Variants in CSMD1 observed in about 807,000 individuals in gnomAD.
CSMD1 encodes the protein CUB and sushi domain-containing protein 1.
Under a neutral mutation model 417.5 loss-of-function variants are expected in CSMD1, and 213 were observed. That is an observed-to-expected ratio of 0.51 (90% CI 0.46 to 0.57). CSMD1 has a LOEUF of 0.57. Among genes scored for constraint, CSMD1 ranks in the 20% least tolerant of loss-of-function variants. The pLI is 0.00. For missense variants in CSMD1, 6,923 were observed against 4,529.7 expected, an observed-to-expected ratio of 1.53 and a Z score of -15.17; for synonymous variants, 2,862 against 1,736.8, an observed-to-expected ratio of 1.65 and a Z score of -16.11.
chr8:4,724,536 G>A (rs971498681), intron 1 of CSMD1, among the ~76,000 whole-genome samples: 14 of 149,666 alleles, frequency 9.4e-5, no homozygotes, highest in African/African-American at 3.5e-4. Flanking sequence ...GTGTGTGTGT[G>A]TGTGTGTGTG....
chr8:4,419,882 T>G lies in CSMD1; in HGVS notation c.415+71A>C, dbSNP rs114000110. Reference sequence around the variant, plus strand: ...GACATAGCAGCCTAGTTTGTCATTATTAATCCAGTGTAGCATGTATTAGAT... The same window carrying G: ...GACATAGCAGCCTAGTTTGTCATTAGTAATCCAGTGTAGCATGTATTAGAT... On this transcript the variant is annotated intron_variant, in intron 3 of 69. Transcript: ENST00000635120. 9.9e-4 allele frequency: 1,057 copies of G among 1,064,936 alleles called. 9 individuals are homozygous for G. The African/African-American group carries it at 0.015, about 15-fold the overall frequency. The allele number at this position is 1,064,936 out of a possible 1,614,324, so 66.0% of individuals were successfully genotyped here. A position where few individuals can be genotyped will look rare whatever the true frequency, so the allele number is the denominator to read the frequency against.
chr8:4,074,469 G>A (rs956636235), intron 3 of CSMD1, among the ~76,000 whole-genome samples: 1 of 151,986 alleles, frequency 6.6e-6, no homozygotes, highest in African/African-American at 2.4e-5. Flanking sequence ...CCATAAACCT[G>A]TTTATAGTCA....
chr8:4,220,117 T>C (rs1238244960), intron 3 of CSMD1, among the ~76,000 whole-genome samples: 3 of 152,004 alleles, frequency 2.0e-5, no homozygotes, highest in African/African-American at 7.3e-5. Context: ...GCCCAGCTGA[T>C]TTTTTGTATT....
At chr8:4,591,744 G>C (rs954886851) in intron 2 of CSMD1, among the ~76,000 whole-genome samples, 5 of 152,158 alleles carry the variant, frequency 3.3e-5, no homozygotes, top group Non-Finnish European at 7.3e-5. Flanking sequence ...AGTGAAGTGA[G>C]GGGATAGGAT....
chr8:3,534,818 G>C (rs980125312), intron 10 of CSMD1, among the ~76,000 whole-genome samples: 5 of 152,118 alleles, frequency 3.3e-5, no homozygotes, highest in African/African-American at 9.7e-5. Flanking sequence ...CATTTTCTTT[G>C]GGTCACATTT....
At chr8:3,352,652 C>G (rs899832440) in intron 21 of CSMD1, among the ~76,000 whole-genome samples, 1 of 152,094 alleles carries the variant, frequency 6.6e-6, no homozygotes, top group South Asian at 2.1e-4. Flanking sequence ...CCAGCCTGGC[C>G]AACATGGTGA....
chr8:3,612,544 C>T (rs1221741985), intron 8 of CSMD1, among the ~76,000 whole-genome samples: 1 of 152,104 alleles, frequency 6.6e-6, no homozygotes, highest in Non-Finnish European at 1.5e-5. Context: ...CAAGATAGAG[C>T]ATATTCTTGC....
At chr8:4,322,294 C>T (rs1359357129) in intron 3 of CSMD1, among the ~76,000 whole-genome samples, 1 of 151,906 alleles carries the variant, frequency 6.6e-6, no homozygotes, top group Non-Finnish European at 1.5e-5. Context: ...AATTCAATTT[C>T]ATGTTATCTG....
At chr8:3,557,528 C>G (rs565353581) in intron 10 of CSMD1, among the ~76,000 whole-genome samples, 3 of 151,880 alleles carry the variant, frequency 2.0e-5, no homozygotes, top group South Asian at 4.1e-4. Context: ...CAAACAAACA[C>G]TCTTTAAAAA....
chr8:3,249,213 T>TTTG (rs1164603907), intron 26 of CSMD1, among the ~76,000 whole-genome samples: 5 of 152,134 alleles, frequency 3.3e-5, no homozygotes, highest in Non-Finnish European at 5.9e-5. Flanking sequence ...GTGAGTTCTT[T>TTTG]TTGTTGCTGC....
At chr8:3,021,010 T>A (rs1809325934) in intron 51 of CSMD1, among the ~76,000 whole-genome samples, 1 of 152,222 alleles carries the variant, frequency 6.6e-6, no homozygotes, top group African/African-American at 2.4e-5. Context: ...TCAACTATGA[T>A]ATTTAAAGAT....
In CSMD1 at chr8:4,118,962, G is replaced by A. The variant is rs182578341; in HGVS notation, c.416-86863C>T. On this transcript the variant is annotated intron_variant, in intron 3 of 69. Coordinates refer to ENST00000635120, the MANE Select transcript of CSMD1 (RefSeq NM_033225.6). ...TGGGGGGACATGGGTGAAGCTGGAAGCCATCATTCTCAGCAAACTAACACA... is the reference window on the plus strand; with the variant it reads ...TGGGGGGACATGGGTGAAGCTGGAAACCATCATTCTCAGCAAACTAACACA... Among the ~76,000 whole-genome samples, 5 of 152,274 alleles carry A rather than the reference G, an allele frequency of 3.3e-5. No individual in the cohort carries two copies. The East Asian group carries it at 9.7e-4, about 29-fold the overall frequency.
intron 3 of CSMD1, among the ~76,000 whole-genome samples, chr8:4,371,770 G>A (rs115215447): frequency 6.6e-6 from 1 of 152,122 alleles, no homozygotes; most frequent in East Asian, 1.9e-4. Context: ...TTACATAATA[G>A]ACAAATATTG....
chr8:3,896,304 G>A (rs1282747789), intron 5 of CSMD1, among the ~76,000 whole-genome samples: 2 of 152,068 alleles, frequency 1.3e-5, no homozygotes, highest in Admixed American at 1.3e-4. Flanking sequence ...TGGGAAAAAT[G>A]CATAAATGTA....
At chr8:3,327,031 A>T (rs200234863) in intron 23 of CSMD1, among the ~76,000 whole-genome samples, 1 of 152,146 alleles carries the variant, frequency 6.6e-6, no homozygotes, top group Non-Finnish European at 1.5e-5. Flanking sequence ...GAAAAAAAAA[A>T]GACAAAAAAT....
At chr8:3,137,473 G>C (rs1180063778) in intron 41 of CSMD1, among the ~76,000 whole-genome samples, 1 of 152,194 alleles carries the variant, frequency 6.6e-6, no homozygotes, top group Non-Finnish European at 1.5e-5. Flanking sequence ...CCTGCTGAGC[G>C]CGGAGCGAGG....
chr8:3,308,603 G>T (rs1015924267), intron 23 of CSMD1, 100 bp from the exon 24 acceptor site: 15 of 891,116 alleles, frequency 1.7e-5, no homozygotes, highest in African/African-American at 1.5e-4. Context: ...TCCTTGAAGG[G>T]TAGGGAGAAA....
intron 3 of CSMD1, among the ~76,000 whole-genome samples, chr8:4,038,963 C>A (rs1428929153): frequency 6.6e-6 from 1 of 152,176 alleles, no homozygotes; most frequent in Non-Finnish European, 1.5e-5. Context: ...CTTAATTGGG[C>A]TATCACATCA....
intron 9 of CSMD1, among the ~76,000 whole-genome samples, chr8:3,581,305 A>G (rs949623174): frequency 1.3e-5 from 2 of 152,274 alleles, no homozygotes; most frequent in African/African-American, 4.8e-5. Flanking sequence ...GCAAAAAATC[A>G]TAATGGTTGT....
Sources: allele counts gnomAD v4.1 joint callset (sites outside exome capture counted in the v4.1 genomes callset), GRCh38; gene constraint gnomAD v4.1.1; transcripts MANE v1.5; gene names NCBI Gene and HGNC (gene_info 2026-07-23, HGNC 2026-07-21).